The following PKHD1 variants were observed in gnomAD, a reference collection of about 807,000 sequenced individuals.
PKHD1 encodes PKHD1 ciliary IPT domain containing fibrocystin/polyductin, also known as fibrocystin.
PKHD1 carries 291 observed loss-of-function variants against 412.0 expected under a neutral mutation model. The observed-to-expected ratio is 0.71, with a 90% CI of 0.64 to 0.78. The LOEUF (loss-of-function observed/expected upper bound fraction) is 0.78, where lower values mean the gene tolerates loss of function less well. PKHD1 is among the 30% of genes least tolerant of loss of function. The pLI, the probability that PKHD1 is intolerant of heterozygous loss-of-function variation, is 0.00. For synonymous variants in PKHD1, 1,777 were observed against 1,821.5 expected (o/e 0.98, Z 0.62); for missense variants, 4,825 against 4,950.7 (o/e 0.97, Z 0.76).
intron 52 of PKHD1, among the ~76,000 whole-genome samples, chr6:51,812,577 A>C (rs959076505): frequency 7.2e-5 from 11 of 152,222 alleles, no homozygotes; most frequent in Non-Finnish European, 1.0e-4. Flanking sequence ...ATTCCAACCC[A>C]ACTCTAGTAG....
intron 43 of PKHD1, among the ~76,000 whole-genome samples, chr6:51,894,552 G>C (rs1376782678): frequency 6.6e-5 from 10 of 152,230 alleles, no homozygotes; most frequent in Non-Finnish European, 1.5e-4. Context: ...TCCTTATGTT[G>C]TGGCTGAGAG....
At chr6:52,009,051 T>C (rs1799465250) in intron 35 of PKHD1, among the ~76,000 whole-genome samples, 1 of 152,188 alleles carries the variant, frequency 6.6e-6, no homozygotes, top group East Asian at 1.9e-4. Context: ...GAAATGTCAC[T>C]GACAGCTGAC....
At chr6:51,676,546 TTA>T (rs1775885763) in intron 60 of PKHD1, among the ~76,000 whole-genome samples, 1 of 152,196 alleles carries the variant, frequency 6.6e-6, no homozygotes, top group Non-Finnish European at 1.5e-5. Flanking sequence ...ACTCATTCTC[TTA>T]TTTTCAAGAA....
chr6:51,810,393 C>G (rs180712956), intron 52 of PKHD1, among the ~76,000 whole-genome samples: 2 of 152,040 alleles, frequency 1.3e-5, no homozygotes, highest in African/African-American at 2.4e-5. Context: ...ACAGGAAATG[C>G]CTTCAAAAAT....
Position 52,050,233 on chromosome 6 carries a change from CCA to C in PKHD1, c.2201_2202del (p.Val734GlyfsTer31), listed in dbSNP as rs1806590811. The C allele has an allele frequency of 6.2e-7, 1 of 1,614,108 alleles. No individual in the cohort carries two copies. Among genetic ancestry groups the C allele is most frequent in the Non-Finnish European group, 8.5e-7 (1 of 1,180,030 alleles). ...PGGNLVESVS[V>X]VGSPPVYSVT... ...ACACTGTAGACCGGAGGGGATCCCA[CCA>C]CAGAGACTGATTCCACCAGATTGCC... On this transcript the variant is annotated frameshift_variant, in exon 22 of 67. Coordinates refer to ENST00000371117, the MANE Select transcript of PKHD1 (RefSeq NM_138694.4). LOFTEE classifies it high-confidence loss of function.
Position 51,851,818 on chromosome 6 carries a change from C to T in PKHD1, c.7912-3848G>A, listed in dbSNP as rs193290279. Among the ~76,000 whole-genome samples the T allele has an allele frequency of 1.6e-3, 239 of 147,902 alleles. 2 individuals carry two copies. Among genetic ancestry groups the T allele is most frequent in the African/African-American group, 5.4e-3 (222 of 41,314 alleles). ...TTCTCTTCTTTGTTAATCTAGCTAG[C>T]GGTCTATCTATTTTGTTAATTTTTT... is the stretch of plus-strand genomic sequence containing the variant. On this transcript the variant is annotated intron_variant, in intron 49 of 66. Transcript: ENST00000371117.
intron 51 of PKHD1, among the ~76,000 whole-genome samples, chr6:51,834,413 T>C (rs1768819161): frequency 6.6e-6 from 1 of 152,166 alleles, no homozygotes; most frequent in South Asian, 2.1e-4. Flanking sequence ...GGACAATATG[T>C]GCACTTAGTA....
chr6:52,006,211 G>A (rs1028935540), intron 35 of PKHD1, among the ~76,000 whole-genome samples: 4 of 151,560 alleles, frequency 2.6e-5, no homozygotes, highest in African/African-American at 9.7e-5. Flanking sequence ...TTTTGCTCTT[G>A]TCACCCAGGC....
At chr6:52,003,221 G>A (rs1019047026) in intron 35 of PKHD1, among the ~76,000 whole-genome samples, 5 of 152,044 alleles carry the variant, frequency 3.3e-5, no homozygotes, top group African/African-American at 1.2e-4. Flanking sequence ...AAATATTTTG[G>A]AAAAAATTAT....
intron 23 of PKHD1, among the ~76,000 whole-genome samples, chr6:52,046,505 G>A (rs79139475): frequency 0.026 from 3,917 of 152,222 alleles, 79 homozygotes; most frequent in South Asian, 0.084. Flanking sequence ...ACACACCCTT[G>A]TAATGCCTGA....
intron 43 of PKHD1, among the ~76,000 whole-genome samples, chr6:51,887,763 G>C (rs575879445): frequency 6.6e-6 from 1 of 152,306 alleles, no homozygotes; most frequent in African/African-American, 2.4e-5. Context: ...ATAGCCTGCA[G>C]AACCATGAGC....
At chr6:51,950,653 G>T (rs1790232555) in intron 36 of PKHD1, among the ~76,000 whole-genome samples, 1 of 151,996 alleles carries the variant, frequency 6.6e-6, no homozygotes, top group African/African-American at 2.4e-5. Flanking sequence ...TGCTGACTGG[G>T]GGCTACACTT....
At chr6:51,868,854 A>T (rs994600387) in intron 47 of PKHD1, among the ~76,000 whole-genome samples, 3 of 152,148 alleles carry the variant, frequency 2.0e-5, no homozygotes, top group Non-Finnish European at 4.4e-5. Flanking sequence ...CACCACTGCC[A>T]TGTGACTCAT....
At chr6:51,883,398 A>G (rs1162402659) in intron 45 of PKHD1, among the ~76,000 whole-genome samples, 171 bp from the exon 46 acceptor site, 2 of 148,192 alleles carry the variant, frequency 1.3e-5, no homozygotes, top group Admixed American at 6.6e-5. Context: ...TGAGGTCAGC[A>G]CTAATGAGTC....
intron 12 of PKHD1, 83 bp from the exon 13 acceptor site, chr6:52,065,133 TTATATATATATATATA>T (rs369093047): frequency 4.5e-4 from 60 of 132,288 alleles, no homozygotes; most frequent in South Asian, 9.5e-4. Flanking sequence ...ATATGTATAA[TTATATATATATATATA>T]TATATATATA....
chr6:51,766,752 A>G (rs1789112725), intron 55 of PKHD1, among the ~76,000 whole-genome samples: 1 of 151,650 alleles, frequency 6.6e-6, no homozygotes, highest in Non-Finnish European at 1.5e-5. Context: ...ACAGGGAGGG[A>G]TAGCATTAGG....
chr6:51,785,890 A>T (rs892663333), intron 53 of PKHD1, among the ~76,000 whole-genome samples: 1 of 152,146 alleles, frequency 6.6e-6, no homozygotes, highest in African/African-American at 2.4e-5. Flanking sequence ...TTTATTCATA[A>T]ATCTGCTTGT....
intron 50 of PKHD1, among the ~76,000 whole-genome samples, chr6:51,846,570 G>A (rs1771197558): frequency 6.6e-6 from 1 of 152,162 alleles, no homozygotes; most frequent in Admixed American, 6.5e-5. Context: ...GACCAATGCT[G>A]ACATGGTATA....
chr6:51,985,406 C>A (rs150292014), intron 35 of PKHD1, among the ~76,000 whole-genome samples: 1 of 151,994 alleles, frequency 6.6e-6, no homozygotes, highest in Non-Finnish European at 1.5e-5. Flanking sequence ...TATACAACAA[C>A]GAAAAATTTA....
Sources: allele counts gnomAD v4.1 joint callset (sites outside exome capture counted in the v4.1 genomes callset), GRCh38; gene constraint gnomAD v4.1.1; transcripts MANE v1.5; gene names NCBI Gene and HGNC (gene_info 2026-07-23, HGNC 2026-07-21).